AVEN: variants seen among roughly 807,000 people sequenced by gnomAD.
AVEN encodes cell death regulator Aven.
A neutral mutation model predicts 38.1 loss-of-function variants in AVEN; 41 were observed. That is an observed-to-expected ratio of 1.08 (90% CI 0.84 to 1.40). AVEN has a LOEUF of 1.40. AVEN is among the 40% of genes most tolerant of loss of function. The probability of loss-of-function intolerance (pLI) is 0.00; values close to 1 mark genes in which losing one functional copy is unlikely to be tolerated. For missense variants in AVEN, 605 were observed against 438.8 expected (o/e 1.38, Z -3.38); for synonymous variants, 206 against 171.8 (o/e 1.20, Z -1.56).
chr15:33,962,919 C>CAAAAAAAAA (rs57807791), intron 2 of AVEN, among the ~76,000 whole-genome samples: 5 of 81,948 alleles, frequency 6.1e-5, no homozygotes, highest in African/African-American at 2.7e-4. Context: ...AACTCGTTCT[C>CAAAAAAAAA]AAAAAAAAAA....
chr15:33,988,068 T>C (rs1259640919), intron 2 of AVEN, among the ~76,000 whole-genome samples: 1 of 152,242 alleles, frequency 6.6e-6, no homozygotes, highest in African/African-American at 2.4e-5. Flanking sequence ...GAGGCCTGGC[T>C]GCAGCTCCCA....
chr15:34,027,386 A>G (rs2632078), intron 1 of AVEN, among the ~76,000 whole-genome samples: 97,024 of 151,446 alleles, frequency 0.64, 36,399 homozygotes, highest in Non-Finnish European at 0.84. Context: ...AAAAACAGCC[A>G]GGCGTGTTGG....
chr15:33,930,289 C>A (rs1450609144), intron 2 of AVEN, among the ~76,000 whole-genome samples: 1 of 151,396 alleles, frequency 6.6e-6, no homozygotes, highest in African/African-American at 2.4e-5. Context: ...ATCTAGTCAC[C>A]CAAGATAAGA....
At chr15:33,937,126 A>G (rs1199378464) in intron 2 of AVEN, among the ~76,000 whole-genome samples, 3 of 39,086 alleles carry the variant, frequency 7.7e-5, no homozygotes, top group Non-Finnish European at 1.3e-4. Context: ...GCGAGACTTC[A>G]ACTCAAAAAA....
Position 34,063,968 on chromosome 15 carries a change from C to A in AVEN, n.1127-536G>T. 1 of 1,614,166 alleles carries A rather than the reference C, an allele frequency of 6.2e-7. No individual in the cohort carries two copies. The highest frequency in any genetic ancestry group is 8.5e-7 in the Non-Finnish European group (1 of 1,180,028). On this transcript the variant is annotated intron_variant and non_coding_transcript_variant, in intron 4 of 11. Coordinates refer to the AVEN transcript ENST00000675287. The surrounding 1 kb of genome is among the most constrained non-coding windows in gnomAD (Gnocchi z 4.1). ...TGGCCAAGGAACCTTCAACGAAAGG[C>A]CTCAATCCCAACCCCAGCCATCAAA... is the stretch of plus-strand genomic sequence containing the variant.
intron 5 of AVEN, among the ~76,000 whole-genome samples, chr15:34,060,555 G>T (rs1345244014): frequency 6.6e-6 from 1 of 152,152 alleles, no homozygotes; most frequent in Non-Finnish European, 1.5e-5. Flanking sequence ...AAATAAAATT[G>T]CCCACATGGG....
chr15:33,928,454 T>G (rs1009957083), intron 2 of AVEN, among the ~76,000 whole-genome samples: 1 of 151,834 alleles, frequency 6.6e-6, no homozygotes, highest in African/African-American at 2.4e-5. Flanking sequence ...GTATCAGAGG[T>G]AAGGAGATAC....
chr15:33,859,761 CAG>C (rs2080130257), intron 11 of AVEN: 1 of 1,584,496 alleles, frequency 6.3e-7, no homozygotes, highest in African/African-American at 1.3e-5. Flanking sequence ...TGAGTATGAA[CAG>C]GGTTTAATCT....
chr15:33,854,513 A>C, downstream of AVEN: 1 of 1,360,820 alleles, frequency 7.3e-7, no homozygotes, highest in South Asian at 1.3e-5. Flanking sequence ...CAGAGAAGCA[A>C]GCTATGCAGG....
chr15:34,068,227 T>C (rs1186489697), intron 2 of AVEN, among the ~76,000 whole-genome samples: 5 of 93,830 alleles, frequency 5.3e-5, no homozygotes, highest in African/African-American at 8.4e-5. Flanking sequence ...TATTCCTTTT[T>C]TCATTCATTT....
intron 4 of AVEN, among the ~76,000 whole-genome samples, chr15:33,868,213 T>C (rs976995591): frequency 6.6e-6 from 1 of 152,128 alleles, no homozygotes; most frequent in Non-Finnish European, 1.5e-5. Context: ...TATTAAGACA[T>C]GAACATCTAT....
chr15:33,948,321 T>C (rs2153055462), intron 2 of AVEN, among the ~76,000 whole-genome samples: 1 of 152,036 alleles, frequency 6.6e-6, no homozygotes, highest in East Asian at 1.9e-4. Flanking sequence ...GGTCTTGAAC[T>C]CCTGACCTTG....
chr15:33,966,651 T>C (rs186283866), intron 2 of AVEN, among the ~76,000 whole-genome samples: 2,216 of 17,752 alleles, frequency 0.12, 53 homozygotes, highest in African/African-American at 0.24. Flanking sequence ...TCCAGCCAAT[T>C]TGAAAGATGA....
At chr15:34,007,253 C>T (rs1897396306) in intron 1 of AVEN, among the ~76,000 whole-genome samples, 1 of 152,128 alleles carries the variant, frequency 6.6e-6, no homozygotes, top group Admixed American at 6.5e-5. Context: ...AGGCAAGGGT[C>T]ATTTTTGACC....
Position 33,866,677 on chromosome 15 carries a change from G to A in AVEN, c.1025C>T (p.Pro342Leu). ...TEEKNMEPEQPSTSKNVTEEE... is the reference protein window; with the variant it reads ...TEEKNMEPEQLSTSKNVTEEE... Reference sequence around the variant, plus strand: ...CTCGGTAACATTTTTGGAGGTACTTGGTTGCTCAGGTTCCATGTTTTTTTC... The same window carrying A: ...CTCGGTAACATTTTTGGAGGTACTTAGTTGCTCAGGTTCCATGTTTTTTTC... Residue 342 changes from proline to leucine, a missense_variant, in exon 6 of 6, where the codon CCA becomes CTA. Coordinates refer to ENST00000306730, the MANE Select transcript of AVEN (RefSeq NM_020371.3). 6.2e-7 allele frequency: 1 copy of A among 1,613,962 alleles called. No homozygotes were observed. The highest frequency in any genetic ancestry group is 1.3e-5 in the African/African-American group (1 of 75,004).
chr15:33,961,151 C>T (rs1255476585), intron 2 of AVEN, among the ~76,000 whole-genome samples: 1 of 151,810 alleles, frequency 6.6e-6, no homozygotes, highest in African/African-American at 2.4e-5. Flanking sequence ...CAGGTACACA[C>T]CATCATGCCT....
intron 2 of AVEN, among the ~76,000 whole-genome samples, chr15:33,915,795 C>T (rs1893114312): frequency 6.6e-6 from 1 of 152,176 alleles, no homozygotes; most frequent in Non-Finnish European, 1.5e-5. Flanking sequence ...GGGGTAGGTT[C>T]TCAGCCCTGC....
chr15:33,925,294 A>C (rs1440795289), intron 2 of AVEN, among the ~76,000 whole-genome samples: 1 of 152,226 alleles, frequency 6.6e-6, no homozygotes, highest in Non-Finnish European at 1.5e-5. Context: ...ATGGGGAGAC[A>C]TCTACCCCAA....
At chr15:33,854,910 C>A, downstream of AVEN, 1 of 1,609,226 alleles carries the variant, frequency 6.2e-7, no homozygotes, top group South Asian at 1.1e-5. Context: ...CAATGGCAAA[C>A]AGGTATGGTT....
Sources: allele counts gnomAD v4.1 joint callset (sites outside exome capture counted in the v4.1 genomes callset), GRCh38; gene constraint gnomAD v4.1.1; non-coding constraint Gnocchi (gnomAD v3.1); transcripts MANE v1.5; gene names NCBI Gene and HGNC (gene_info 2026-07-23, HGNC 2026-07-21).